TANC2: variants seen among roughly 807,000 people sequenced by gnomAD.
TANC2 encodes the protein protein TANC2.
Under a neutral mutation model 210.5 loss-of-function variants are expected in TANC2, and 26 were observed. That is an observed-to-expected ratio of 0.12 (90% confidence interval 0.09 to 0.17). The LOEUF (loss-of-function observed/expected upper bound fraction) is 0.17. Ranked by LOEUF, TANC2 falls within the 10% of genes least tolerant of loss-of-function variation. The pLI, the probability that TANC2 is intolerant of heterozygous loss-of-function variation, is 1.00. For synonymous variants in TANC2, 931 were observed against 967.1 expected (o/e 0.96, Z 0.69); for missense variants, 2,129 against 2,608.9 (o/e 0.82, Z 4.01).
rs530819662 is a variant in TANC2, at chr17:63,412,395, T to G, written c.3898+265T>G. On this transcript the variant is annotated intron_variant, in intron 23 of 27. Transcript: ENST00000689528. The surrounding 1 kb of genome is among the most constrained non-coding windows in gnomAD (Gnocchi z 4.2). Reference sequence around the variant, plus strand: ...GGAGGCTGCTCTGGCCTTAAGCACCTCTCAGCACTGCCTCTGTTCCAGCCC... The same window carrying G: ...GGAGGCTGCTCTGGCCTTAAGCACCGCTCAGCACTGCCTCTGTTCCAGCCC... Among the ~76,000 whole-genome samples, 2 of 152,276 alleles carry G rather than the reference T, an allele frequency of 1.3e-5. No individual in the cohort carries two copies. The highest frequency in any genetic ancestry group is 3.9e-4 in the East Asian group (2 of 5,172).
chr17:63,265,692 A>T (rs2043504098), intron 8 of TANC2, among the ~76,000 whole-genome samples: 1 of 152,102 alleles, frequency 6.6e-6, no homozygotes, highest in Non-Finnish European at 1.5e-5. Flanking sequence ...GCCAAAAATT[A>T]CCCATAGGGA....
chr17:63,294,833 G>A (rs1006158751), intron 9 of TANC2, among the ~76,000 whole-genome samples: 25 of 152,044 alleles, frequency 1.6e-4, no homozygotes, highest in Admixed American at 4.6e-4. Flanking sequence ...TGGGTGCTGC[G>A]GATAAGAAAG....
chr17:63,387,561 G>T (rs2047825078), intron 15 of TANC2, among the ~76,000 whole-genome samples: 1 of 152,202 alleles, frequency 6.6e-6, no homozygotes, highest in African/African-American at 2.4e-5. Context: ...AAAGAAAGCA[G>T]AAGTAGCTTA....
intron 8 of TANC2, among the ~76,000 whole-genome samples, chr17:63,244,402 C>G (rs2042860084): frequency 1.3e-5 from 2 of 152,148 alleles, no homozygotes; most frequent in African/African-American, 4.8e-5. Flanking sequence ...GATCCGAATC[C>G]TACTCATTTT....
intron 7 of TANC2, among the ~76,000 whole-genome samples, chr17:63,204,536 A>G (rs1028110505): frequency 1.3e-5 from 2 of 151,868 alleles, no homozygotes; most frequent in African/African-American, 4.8e-5. Context: ...AGGCTGAGGC[A>G]GGAGGATCAT....
intron 2 of TANC2, among the ~76,000 whole-genome samples, chr17:63,064,808 T>C (rs1036749796): frequency 6.6e-6 from 1 of 152,154 alleles, no homozygotes; most frequent in Non-Finnish European, 1.5e-5. Context: ...TGTTTTGATA[T>C]ATGTATGAAT....
chr17:63,185,300 C>T lies in TANC2; in HGVS notation c.434-8691C>T, dbSNP rs541531088. Among the ~76,000 whole-genome samples the T allele has an allele frequency of 2.6e-5, 4 of 151,928 alleles. No homozygotes were observed. The South Asian group carries it at 8.3e-4, about 32-fold the overall frequency. ...TAGAGAAAGGGTTTCACCATGTTGG[C>T]CAGGCTAGTCTTGAACTTCTGACCT... On this transcript the variant is annotated intron_variant, in intron 5 of 27. Transcript: ENST00000689528.
At chr17:63,037,277 T>C (rs2035011326) in intron 2 of TANC2, among the ~76,000 whole-genome samples, 1 of 152,052 alleles carries the variant, frequency 6.6e-6, no homozygotes, top group Non-Finnish European at 1.5e-5. Flanking sequence ...GCAGTAGATA[T>C]GCTGGAAGGG....
chr17:63,010,683 G>A (rs1236404436), intron 2 of TANC2, among the ~76,000 whole-genome samples: 1 of 152,066 alleles, frequency 6.6e-6, no homozygotes, highest in African/African-American at 2.4e-5. Context: ...GCTACAAATC[G>A]GAGGTTCCCA....
chr17:63,358,959 G>A (rs376555543), intron 14 of TANC2, among the ~76,000 whole-genome samples: 3 of 142,294 alleles, frequency 2.1e-5, no homozygotes, highest in Non-Finnish European at 3.0e-5. Flanking sequence ...CCATAGGAAC[G>A]GCTCTCAGAT....
intron 5 of TANC2, among the ~76,000 whole-genome samples, chr17:63,184,505 A>G (rs1049515518): frequency 6.6e-6 from 1 of 152,156 alleles, no homozygotes; most frequent in Non-Finnish European, 1.5e-5. Context: ...AAGATATTGA[A>G]TGTTTTCAGC....
intron 7 of TANC2, among the ~76,000 whole-genome samples, chr17:63,229,175 A>G (rs868542220): frequency 2.6e-5 from 4 of 152,180 alleles, no homozygotes; most frequent in South Asian, 2.1e-4. Flanking sequence ...TTCTACGTCT[A>G]TTGAAATGAT....
intron 3 of TANC2, among the ~76,000 whole-genome samples, chr17:63,078,339 T>G (rs1193502336): frequency 6.6e-6 from 1 of 152,172 alleles, no homozygotes; most frequent in Non-Finnish European, 1.5e-5. Context: ...GACAAAGATT[T>G]GTCAGTTTTA....
At chr17:63,322,366 C>T (rs1354062471) in intron 11 of TANC2, among the ~76,000 whole-genome samples, 6 of 152,006 alleles carry the variant, frequency 3.9e-5, no homozygotes, top group Admixed American at 6.5e-5. Flanking sequence ...GGCGTGGTGG[C>T]GGGCGCCTGT....
chr17:63,010,667 G>A (rs569421781), intron 2 of TANC2, among the ~76,000 whole-genome samples: 2 of 152,204 alleles, frequency 1.3e-5, no homozygotes, highest in South Asian at 2.1e-4. Flanking sequence ...ACCTCTGTCC[G>A]ACTTGGCTAC....
intron 5 of TANC2, among the ~76,000 whole-genome samples, chr17:63,160,790 A>G (rs558084809): frequency 6.6e-6 from 1 of 152,310 alleles, no homozygotes; most frequent in East Asian, 1.9e-4. Context: ...AACTTTCACC[A>G]ATACTACATA....
rs869063496 is a variant in TANC2, at chr17:63,055,965, C to CA, written c.68-17952dup. On this transcript the variant is annotated intron_variant, in intron 2 of 27. Coordinates refer to ENST00000689528, the Ensembl canonical transcript of TANC2. ...CAACGTAGTGAGACCTCATCTCTAC[C>CA]AAAAAAAAAAAAAAAAAAAAAAAAA... Among the ~76,000 whole-genome samples the CA allele has an allele frequency of 7.0e-4, 37 of 52,588 alleles. 1 individual carries two copies. Among genetic ancestry groups the CA allele is most frequent in the African/African-American group, 2.2e-3 (30 of 13,770 alleles). 34.5% of individuals were successfully genotyped at this position (52,588 alleles called of 152,430 possible).
At chr17:63,151,469 CAT>C in intron 5 of TANC2, 89 bp downstream of exon 5, 2 of 531,288 alleles carry the variant, frequency 3.8e-6, no homozygotes, top group African/African-American at 2.1e-5. Context: ...GTATACTACT[CAT>C]AAAAACATGT....
At chr17:63,213,670 T>C (rs1307268522) in intron 7 of TANC2, among the ~76,000 whole-genome samples, 1 of 152,152 alleles carries the variant, frequency 6.6e-6, no homozygotes, top group Non-Finnish European at 1.5e-5. Flanking sequence ...CAAATCTCAT[T>C]GGGGAAGGTG....
Sources: gnomAD v4.1 joint callset for allele counts (sites outside exome capture counted in the v4.1 genomes callset) on GRCh38, gnomAD v4.1.1 for gene constraint, Gnocchi (gnomAD v3.1) non-coding constraint, MANE v1.5 for transcripts, NCBI Gene and HGNC (gene_info 2026-07-23, HGNC 2026-07-21) for gene names.